Variants in CAST observed in about 807,000 individuals in gnomAD.
CAST encodes the protein MIR583 host.
In CAST, 76 loss-of-function variants were observed where a neutral mutation model predicts 119.6. That is an observed-to-expected ratio of 0.64 (90% confidence interval 0.53 to 0.77). The LOEUF is 0.77. Ranked by LOEUF, CAST falls within the 30% of genes least tolerant of loss-of-function variation. CAST has a pLI of 0.00. For synonymous variants in CAST, 319 were observed against 331.6 expected (o/e 0.96, Z 0.41); for missense variants, 953 against 946.5 (o/e 1.01, Z -0.09).
chr5:96,339,829 A>C, the CAST span, among the ~76,000 whole-genome samples: 1 of 152,152 alleles, frequency 6.6e-6, no homozygotes, highest in African/African-American at 2.4e-5. Context: ...TGCAGAGAAC[A>C]CAGTAAACCT....
intron 1 of CAST, among the ~76,000 whole-genome samples, chr5:96,557,591 A>T (rs996419065): frequency 2.0e-5 from 3 of 152,210 alleles, no homozygotes; most frequent in African/African-American, 4.8e-5. Flanking sequence ...TTAAACCAAC[A>T]AAGATCAAAA....
At chr5:95,999,488 C>G in the CAST span, among the ~76,000 whole-genome samples, 2 of 151,992 alleles carry the variant, frequency 1.3e-5, no homozygotes, top group African/African-American at 2.4e-5. Context: ...TAGCTGGGAC[C>G]ACAGGCACCG....
At chr5:96,714,046 A>G (rs1372874793) in intron 3 of CAST, among the ~76,000 whole-genome samples, 1 of 152,214 alleles carries the variant, frequency 6.6e-6, no homozygotes, top group Admixed American at 6.5e-5. Flanking sequence ...GAAACTTTCG[A>G]GGCTGTTGGC....
chr5:96,386,245 A>T, the CAST span, among the ~76,000 whole-genome samples: 1 of 152,332 alleles, frequency 6.6e-6, no homozygotes, highest in Admixed American at 6.5e-5. Flanking sequence ...TACCAATTGG[A>T]TGTGAGACAA....
chr5:96,701,543 G>T (rs1753891755), intron 3 of CAST, among the ~76,000 whole-genome samples: 1 of 152,184 alleles, frequency 6.6e-6, no homozygotes, highest in African/African-American at 2.4e-5. Flanking sequence ...CATGGCTCAT[G>T]CCTGTAATCC....
chr5:96,662,321 C>CTCCT, upstream of CAST: 1 of 674,788 alleles, frequency 1.5e-6, no homozygotes, highest in Non-Finnish European at 2.0e-6. Flanking sequence ...GGGCCCTCCG[C>CTCCT]TCCCTCCCTC....
the CAST span, among the ~76,000 whole-genome samples, chr5:95,976,356 C>T: frequency 4.7e-4 from 72 of 151,874 alleles, no homozygotes; most frequent in African/African-American, 1.4e-3. Context: ...GTGTTAGCAA[C>T]GGGGAGTCAG....
the CAST span, among the ~76,000 whole-genome samples, chr5:96,022,632 A>T: frequency 6.6e-6 from 1 of 152,238 alleles, no homozygotes; most frequent in Non-Finnish European, 1.5e-5. Context: ...AGAAGCAAGA[A>T]TGGAATAAAG....
At chr5:96,080,215 A>T in the CAST span, among the ~76,000 whole-genome samples, 1 of 152,340 alleles carries the variant, frequency 6.6e-6, no homozygotes, top group South Asian at 2.1e-4. Flanking sequence ...TGTTATGGGC[A>T]TTAAAGGACC....
the CAST span, among the ~76,000 whole-genome samples, chr5:96,434,400 A>T: frequency 2.6e-5 from 4 of 152,336 alleles, no homozygotes; most frequent in East Asian, 5.8e-4. Flanking sequence ...ACCCTTCTGC[A>T]GCTGGCCAGC....
intron 3 of CAST, among the ~76,000 whole-genome samples, chr5:96,719,653 T>C (rs1251999580): frequency 6.6e-6 from 1 of 152,236 alleles, no homozygotes; most frequent in Non-Finnish European, 1.5e-5. Context: ...ATAGCAGCAC[T>C]TTATACTCTG....
At chr5:96,603,036 C>A (rs1196521211) in intron 1 of CAST, among the ~76,000 whole-genome samples, 1 of 152,122 alleles carries the variant, frequency 6.6e-6, no homozygotes, top group Non-Finnish European at 1.5e-5. Context: ...GTTTTCTAAG[C>A]ATTGCTGATT....
the CAST span, among the ~76,000 whole-genome samples, chr5:96,193,885 T>C: frequency 6.6e-6 from 1 of 152,244 alleles, no homozygotes; most frequent in Non-Finnish European, 1.5e-5. Flanking sequence ...CAGTTCTGGA[T>C]AATACTTTTT....
the CAST span, among the ~76,000 whole-genome samples, chr5:96,070,131 A>C: frequency 0.029 from 4,485 of 152,266 alleles, 234 homozygotes; most frequent in African/African-American, 0.1. Flanking sequence ...ATGAGGCCCA[A>C]CAACATTATG....
intron 1 of CAST, among the ~76,000 whole-genome samples, chr5:96,551,414 G>A (rs934057181): frequency 1.3e-5 from 2 of 152,118 alleles, no homozygotes; most frequent in Non-Finnish European, 2.9e-5. Context: ...AGCTCCTGAA[G>A]GAAGCATGAA....
the CAST span, among the ~76,000 whole-genome samples, chr5:96,342,454 G>GT: frequency 1.3e-5 from 2 of 152,114 alleles, no homozygotes; most frequent in Non-Finnish European, 2.9e-5. Flanking sequence ...TTGAACAAGT[G>GT]CTCAGGTGAG....
the CAST span, among the ~76,000 whole-genome samples, chr5:96,195,376 AG>A: frequency 2.0e-5 from 3 of 152,214 alleles, no homozygotes; most frequent in African/African-American, 7.2e-5. Context: ...TTAGATCTGT[AG>A]GAACAGAATC....
At chr5:96,586,447 C>G (rs1281427578) in intron 1 of CAST, among the ~76,000 whole-genome samples, 5 of 152,068 alleles carry the variant, frequency 3.3e-5, no homozygotes, top group African/African-American at 1.2e-4. Flanking sequence ...CTCAATTGTG[C>G]CTTGAATTAA....
chr5:96,262,299 G>A, the CAST span, among the ~76,000 whole-genome samples: 3 of 152,140 alleles, frequency 2.0e-5, no homozygotes, highest in African/African-American at 4.8e-5. Flanking sequence ...TGGGAGGGAG[G>A]AGAAGGGGGC....
Sources: gnomAD v4.1 joint callset for allele counts (sites outside exome capture counted in the v4.1 genomes callset) on GRCh38, gnomAD v4.1.1 for gene constraint, MANE v1.5 for transcripts, NCBI Gene and HGNC (gene_info 2026-07-23, HGNC 2026-07-21) for gene names.